RELB: variants seen among roughly 807,000 people sequenced by gnomAD.
The protein encoded by RELB is RELB proto-oncogene, NF-kB subunit, also known as transcription factor RelB.
RELB carries 14 observed loss-of-function variants against 55.4 expected under a neutral mutation model. The ratio of observed to expected loss-of-function variants is 0.25; its 90% CI spans 0.17 to 0.40. The LOEUF (loss-of-function observed/expected upper bound fraction) is 0.40. RELB is among the 10% of genes least tolerant of loss of function. The pLI is 1.00. For missense variants in RELB, 669 were observed against 830.7 expected (o/e 0.81, Z 2.39); for synonymous variants, 409 against 371.3 (o/e 1.10, Z -1.17).
At position 45,037,610 on chromosome 19, in the gene RELB, T is replaced by G. The variant is rs1329206800; in HGVS notation, c.1560T>G (p.Gly520=). Residue 520 remains glycine, a synonymous_variant, in exon 12 of 12, where the codon GGT becomes GGG. Transcript: ENST00000221452. The part of the protein sequence containing the change: ...PHASAVVCSG[G]AGAVVGETPG... Reference sequence around the variant, plus strand: ...CTAGCGCTGTTGTGTGCAGCGGAGGTGCCGGGGCCGTGGTTGGGGAGACCC... The same window carrying G: ...CTAGCGCTGTTGTGTGCAGCGGAGGGGCCGGGGCCGTGGTTGGGGAGACCC... 1 of 1,604,696 alleles carries G rather than the reference T, an allele frequency of 6.2e-7. No individual in the cohort carries two copies. The highest frequency in any genetic ancestry group is 8.5e-7 in the Non-Finnish European group (1 of 1,176,264).
intron 3 of RELB, 113 bp from the exon 4 acceptor site, chr19:45,011,823 A>T (rs1218897376): frequency 3.6e-5 from 14 of 391,084 alleles, no homozygotes; most frequent in African/African-American, 2.0e-4. Context: ...AGAGAGAGAG[A>T]GAGAGAGAGA....
At position 45,032,097 on chromosome 19, in the gene RELB, G is replaced by A. The variant is rs35741136; in HGVS notation, c.992-437G>A. 2.0e-3 allele frequency among the ~76,000 whole-genome samples: 310 copies of A among 151,890 alleles called. 2 individuals are homozygous for A. The highest frequency in any genetic ancestry group is 6.9e-3 in the African/African-American group (286 of 41,478). ...TTAAAAATACAAACATTAGCTGGGCGTGGTTGCACATGCCTATAATCCCAG... is the reference window on the plus strand; with the variant it reads ...TTAAAAATACAAACATTAGCTGGGCATGGTTGCACATGCCTATAATCCCAG... On this transcript the variant is annotated intron_variant, in intron 8 of 11. Transcript: ENST00000221452.
rs1971211497 is a variant in RELB at position 45,001,657 on chromosome 19, G to A, written c.78G>A (p.Pro26=). The A allele has an allele frequency of 2.6e-6, 4 of 1,521,942 alleles. No homozygotes were observed. In the Admixed American group the frequency reaches 6.0e-5, roughly 23 times the overall value. The allele number at this position is 1,521,942 out of a possible 1,614,324, so 94.3% of individuals were successfully genotyped here. A position where few individuals can be genotyped will look rare whatever the true frequency, so the allele number is the denominator to read the frequency against. ...RAMPSRRVAR[P]PAAPELGALG... is the part of the protein sequence containing the mutation. The stretch of plus-strand genomic sequence containing the variant: ...TGCCGAGTCGCCGCGTCGCCAGACC[G>A]CCGGCTGCGCCGGAGCTGGGGGCCT... Residue 26 remains proline, a synonymous_variant, in exon 1 of 12, where the codon CCG becomes CCA. Transcript: ENST00000221452.
chr19:45,022,233 C>T (rs772881975), intron 5 of RELB, 23 bp downstream of exon 5: 9 of 1,567,828 alleles, frequency 5.7e-6, no homozygotes, highest in Non-Finnish European at 7.8e-6. Context: ...TGACCTCCGA[C>T]CTCTCATCCT....
At chr19:45,021,952 G>T (rs1971494238) in intron 4 of RELB, 101 bp from the exon 5 acceptor site, 1 of 1,200,384 alleles carries the variant, frequency 8.3e-7, no homozygotes, top group Non-Finnish European at 1.2e-6. Context: ...GAGGACCCTA[G>T]TGGGGAGAGG....
chr19:45,003,257 G>C (rs968888701), intron 2 of RELB, among the ~76,000 whole-genome samples: 29 of 152,054 alleles, frequency 1.9e-4, no homozygotes, highest in Admixed American at 3.9e-4. Flanking sequence ...GGATCACGAG[G>C]TCAGGAGATC....
intron 5 of RELB, among the ~76,000 whole-genome samples, chr19:45,023,236 A>C (rs1971511047): frequency 6.6e-6 from 1 of 152,142 alleles, no homozygotes; most frequent in Non-Finnish European, 1.5e-5. Flanking sequence ...GAATACTGCC[A>C]TGTTATGCAA....
chr19:45,021,817 C>T (rs953283264), intron 4 of RELB: 33 of 414,190 alleles, frequency 8.0e-5, no homozygotes, highest in African/African-American at 5.5e-4. Flanking sequence ...TCAGGTGATC[C>T]GCCCACCTCG....
At chr19:45,019,484 A>G (rs1234296151) in intron 4 of RELB, among the ~76,000 whole-genome samples, 2 of 152,134 alleles carry the variant, frequency 1.3e-5, no homozygotes, top group East Asian at 3.9e-4. Flanking sequence ...CAATCTCATT[A>G]ATCACCTCTA....
At position 45,038,156 on chromosome 19, in the gene RELB, G is replaced by T. The variant is rs10856; in HGVS notation, c.*366G>T. On this transcript the variant is annotated 3_prime_UTR_variant, in exon 12 of 12. Transcript: ENST00000221452. ...CTTGAAGGTGGGGGGTAGGTTGGTT[G>T]TTCAGAGTCTTCCCAATAAAGATGA... is the stretch of plus-strand genomic sequence containing the variant. 0.054 allele frequency: 11,088 copies of T among 205,222 alleles called. 427 individuals are homozygous for T. The highest frequency in any genetic ancestry group is 0.074 in the Non-Finnish European group (7,651 of 103,082). 12.7% of individuals were successfully genotyped at this position (205,222 alleles called of 1,614,324 possible).
intron 3 of RELB, 75 bp downstream of exon 3, chr19:45,009,897 T>G: frequency 1.7e-6 from 2 of 1,198,710 alleles, no homozygotes; most frequent in Non-Finnish European, 2.5e-6. Context: ...TGGCCTTCCT[T>G]GTTCAGTGGG....
At chr19:45,011,405 G>A (rs997306195) in intron 3 of RELB, among the ~76,000 whole-genome samples, 33 of 151,528 alleles carry the variant, frequency 2.2e-4, no homozygotes, top group African/African-American at 7.5e-4. Context: ...CTCATGATCC[G>A]CCCGCCTCGG....
chr19:45,004,815 C>T (rs562683094), intron 2 of RELB, among the ~76,000 whole-genome samples: 1 of 147,776 alleles, frequency 6.8e-6, no homozygotes, highest in South Asian at 2.2e-4. Context: ...TGCCGTGAGC[C>T]GAGATCATGG....
chr19:45,027,683 A>G (rs753106050), intron 7 of RELB, among the ~76,000 whole-genome samples: 1 of 151,920 alleles, frequency 6.6e-6, no homozygotes, highest in Admixed American at 6.6e-5. Flanking sequence ...AGTTACTAAG[A>G]TGAGGGGTGG....
chr19:45,002,978 G>A lies in RELB; in HGVS notation c.136G>A (p.Ala46Thr). The change falls in exon 2 of 12, where the codon GCC (alanine) becomes ACC (threonine). Residue 46 changes from alanine to threonine, a missense_variant. Ala to Thr is a moderately conservative substitution (Grantham distance 58). Transcript: ENST00000221452. ...GSPDLSSLSL[A>T]VSRSTDELEI... ...CCCCGACCTCTCCTCACTCTCGCTC[G>A]CCGTTTCCAGGAGCACAGGTGAGCA... is the stretch of plus-strand genomic sequence containing the variant. The A allele has an allele frequency of 1.2e-6, 2 of 1,613,186 alleles. No individual in the cohort carries two copies. Among genetic ancestry groups the A allele is most frequent in the Non-Finnish European group, 1.7e-6 (2 of 1,179,644 alleles).
At chr19:45,023,427 TC>T (rs1971514751) in intron 5 of RELB, among the ~76,000 whole-genome samples, 1 of 151,620 alleles carries the variant, frequency 6.6e-6, no homozygotes, top group Non-Finnish European at 1.5e-5. Flanking sequence ...CTTCCTTCCT[TC>T]CTTCCGTCCT....
chr19:45,032,986 T>C (rs1971643582), intron 9 of RELB, among the ~76,000 whole-genome samples: 1 of 152,156 alleles, frequency 6.6e-6, no homozygotes, highest in South Asian at 2.1e-4. Flanking sequence ...GGAGAGTATT[T>C]AATCTTTCCT....
At chr19:45,028,824 A>C (rs1825060786) in intron 7 of RELB, 64 bp from the exon 8 acceptor site, 5 of 1,402,474 alleles carry the variant, frequency 3.6e-6, no homozygotes, top group Non-Finnish European at 4.9e-6. Context: ...GTGCCCAGTA[A>C]GGCTTTGGTG....
At chr19:45,026,956 G>A (rs539911204) in intron 7 of RELB, among the ~76,000 whole-genome samples, 11 of 152,308 alleles carry the variant, frequency 7.2e-5, no homozygotes, top group Admixed American at 3.9e-4. Context: ...TTAGCCGGGC[G>A]AGGTGGCTTA....
Sources: allele counts gnomAD v4.1 joint callset (sites outside exome capture counted in the v4.1 genomes callset), GRCh38; gene constraint gnomAD v4.1.1; transcripts MANE v1.5; gene names NCBI Gene and HGNC (gene_info 2026-07-23, HGNC 2026-07-21).